DNAH9: variants seen among roughly 807,000 people sequenced by gnomAD.
DNAH9 encodes DNAH9 variant protein.
Under a neutral mutation model 471.6 loss-of-function variants are expected in DNAH9, and 345 were observed. The ratio of observed to expected loss-of-function variants is 0.73; its 90% CI spans 0.67 to 0.80. The LOEUF is 0.80. Among genes scored for constraint, DNAH9 ranks in the 30% least tolerant of loss-of-function variants. The pLI, the probability that DNAH9 is intolerant of heterozygous loss-of-function variation, is 0.00. For missense variants in DNAH9, 5,407 were observed against 5,609.2 expected (o/e 0.96, Z 1.15); for synonymous variants, 2,093 against 2,123.6 (o/e 0.99, Z 0.40).
At chr17:11,728,520 C>G (rs1008820768) in intron 28 of DNAH9, among the ~76,000 whole-genome samples, 2 of 102,822 alleles carry the variant, frequency 1.9e-5, no homozygotes, top group Admixed American at 2.7e-4. Flanking sequence ...AATGTGATCT[C>G]TGACCTAAAA....
intron 17 of DNAH9, among the ~76,000 whole-genome samples, chr17:11,678,843 G>A (rs933179856): frequency 9.9e-5 from 15 of 151,882 alleles, no homozygotes; most frequent in Non-Finnish European, 5.9e-5. Context: ...GTTCTATTTC[G>A]TTCTTCTGGC....
Position 11,871,748 on chromosome 17 carries a change from C to T in DNAH9, c.10204C>T (p.Leu3402=). The change falls in exon 52 of 69, where the codon CTG becomes TTG. Residue 3402 remains leucine, a synonymous_variant. Transcript: ENST00000262442. ...FFTKKYRQSL[L]DRTWRPYLSQ... is the part of the protein sequence containing the mutation. ...CACAAAGAAATACCGGCAGAGCCTC[C>T]TGGACAGAACTTGGAGGCCCTACCT... 1 of 1,614,194 alleles carries T rather than the reference C, an allele frequency of 6.2e-7. No homozygotes were observed. The highest frequency in any genetic ancestry group is 1.3e-5 in the African/African-American group (1 of 75,036).
chr17:11,863,469 G>C (rs1971932332), intron 50 of DNAH9, among the ~76,000 whole-genome samples: 1 of 152,116 alleles, frequency 6.6e-6, no homozygotes, highest in Non-Finnish European at 1.5e-5. Context: ...CAAGGATATT[G>C]GTCTAAAATT....
At chr17:11,605,831 C>A (rs2072493324) in intron 1 of DNAH9, among the ~76,000 whole-genome samples, 1 of 152,090 alleles carries the variant, frequency 6.6e-6, no homozygotes, top group Admixed American at 6.6e-5. Context: ...ATAGAGAGTT[C>A]ACATTCGTTA....
At chr17:11,926,063 G>C (rs975372647) in intron 62 of DNAH9, among the ~76,000 whole-genome samples, 3 of 61,224 alleles carry the variant, frequency 4.9e-5, no homozygotes, top group African/African-American at 6.9e-5. Context: ...AAAAAAAAAA[G>C]CTGGGGGGGG....
chr17:11,867,932 T>G (rs1366230577), intron 50 of DNAH9, among the ~76,000 whole-genome samples: 1 of 152,220 alleles, frequency 6.6e-6, no homozygotes, highest in Non-Finnish European at 1.5e-5. Flanking sequence ...CATCTTCCCC[T>G]TCAATCACAC....
chr17:11,793,546 A>G lies in DNAH9; in HGVS notation c.8105A>G (p.Asp2702Gly), dbSNP rs936071523. 3.7e-6 allele frequency: 6 copies of G among 1,613,970 alleles called. No individual in the cohort carries two copies. The highest frequency in any genetic ancestry group is 5.1e-6 in the Non-Finnish European group (6 of 1,179,966). ...GTGGAATGTGTGAAATCCACATGGG[A>G]TCTTATAAGGCTCTATCTGCATGAA... is the stretch of plus-strand genomic sequence containing the variant. ...SSVECVKSTWDLIRLYLHESN... is the reference protein window; with the variant it reads ...SSVECVKSTWGLIRLYLHESN... Residue 2702 changes from aspartate to glycine, a missense_variant, in exon 42 of 69, where the codon GAT (aspartate) becomes GGT (glycine). Transcript: ENST00000262442.
In DNAH9 at chr17:11,886,864, G is replaced by A. The variant is rs1327543403; in HGVS notation, c.11011G>A (p.Ala3671Thr). The change falls in exon 57 of 69, where the codon GCC becomes ACC. Residue 3671 changes from alanine to threonine, a missense_variant. This residue lies in a region of DNAH9 where 4,636 missense variants were observed against 4,900.3 expected (regional missense o/e 0.95). Transcript: ENST00000262442. ...GGTGACTGAAGTGAAAATCAACGAG[G>A]CCCGAGAGCACTACCGGCCAGCAGC... The part of the protein sequence containing the change: ...AKVTEVKINE[A>T]REHYRPAAAR... The A allele has an allele frequency of 1.2e-6, 2 of 1,612,418 alleles. No individual in the cohort carries two copies. Among genetic ancestry groups the A allele is most frequent in the Non-Finnish European group, 1.7e-6 (2 of 1,179,308 alleles).
At chr17:11,610,368 A>G (rs1450197385) in intron 2 of DNAH9, 28 bp from the exon 3 acceptor site, 1 of 1,597,594 alleles carries the variant, frequency 6.3e-7, no homozygotes, top group African/African-American at 1.3e-5. Context: ...TTTTGTTGTT[A>G]TCATTGTTGT....
intron 1 of DNAH9, among the ~76,000 whole-genome samples, chr17:11,604,354 C>T (rs538826332): frequency 4.6e-5 from 7 of 152,178 alleles, no homozygotes; most frequent in South Asian, 2.1e-4. Context: ...GATGGTCCTA[C>T]GGCTCATTCC....
At chr17:11,839,904 C>T (rs970817439) in intron 49 of DNAH9, among the ~76,000 whole-genome samples, 19 of 152,246 alleles carry the variant, frequency 1.2e-4, no homozygotes, top group African/African-American at 3.6e-4. Flanking sequence ...ATTTCCCATA[C>T]GCAATAATAT....
intron 1 of DNAH9, among the ~76,000 whole-genome samples, chr17:11,607,036 G>C (rs1034653663): frequency 6.6e-6 from 1 of 152,168 alleles, no homozygotes. Context: ...ACTATGTTGG[G>C]TGGCCAGAAT....
chr17:11,878,442 T>A (rs533573327), intron 53 of DNAH9, among the ~76,000 whole-genome samples: 3 of 152,352 alleles, frequency 2.0e-5, no homozygotes, highest in Non-Finnish European at 4.4e-5. Flanking sequence ...AGTTTTTTAT[T>A]TGATCAGATT....
At chr17:11,747,460 G>A (rs1966927422) in intron 31 of DNAH9, 96 bp from the exon 32 acceptor site, 3 of 916,714 alleles carry the variant, frequency 3.3e-6, no homozygotes, top group Non-Finnish European at 3.5e-6. Flanking sequence ...TTGACTTCAG[G>A]TCTCACTTCA....
At position 11,763,563 on chromosome 17, in the gene DNAH9, T is replaced by C; in HGVS notation, c.7119T>C (p.Tyr2373=). ...ADCPKEIYEH[Y]FVFAAIWAFG... ...GCCCTAAGGAAATTTATGAGCATTA[T>C]TTTGTGTTTGCTGCCATCTGGGCTT... Residue 2373 remains tyrosine (Y), a synonymous_variant, in exon 36 of 69, where the codon TAT becomes TAC. Coordinates refer to ENST00000262442, the MANE Select transcript of DNAH9 (RefSeq NM_001372.4). 6.2e-7 allele frequency: 1 copy of C among 1,614,152 alleles called. No homozygotes were observed. Among genetic ancestry groups the C allele is most frequent in the Non-Finnish European group, 8.5e-7 (1 of 1,180,028 alleles).
chr17:11,871,425 T>C (rs549966295), intron 51 of DNAH9, among the ~76,000 whole-genome samples, 173 bp from the exon 52 acceptor site: 6 of 152,218 alleles, frequency 3.9e-5, no homozygotes, highest in Non-Finnish European at 7.3e-5. Flanking sequence ...GCTTGTGTAC[T>C]GAAAGCTTTG....
At chr17:11,722,102 G>A (rs150715009) in intron 27 of DNAH9, among the ~76,000 whole-genome samples, 120 of 152,276 alleles carry the variant, frequency 7.9e-4, no homozygotes, top group African/African-American at 2.6e-3. Context: ...AAAAGGGTGC[G>A]AGGTCAGGAA....
At chr17:11,605,759 C>T (rs1342830444) in intron 1 of DNAH9, among the ~76,000 whole-genome samples, 1 of 151,494 alleles carries the variant, frequency 6.6e-6, no homozygotes, top group Non-Finnish European at 1.5e-5. Flanking sequence ...CCCTCCTCAG[C>T]CTCTCAGTGC....
chr17:11,921,233 A>G (rs1389116990), intron 61 of DNAH9, among the ~76,000 whole-genome samples: 1 of 145,316 alleles, frequency 6.9e-6, no homozygotes, highest in Non-Finnish European at 1.5e-5. Flanking sequence ...AAAAAAAAGA[A>G]AAAAAGGTGA....
Sources: gnomAD v4.1 joint callset for allele counts (sites outside exome capture counted in the v4.1 genomes callset) on GRCh38, gnomAD v4.1.1 for gene constraint, gnomAD v4.1.1 regional missense constraint, MANE v1.5 for transcripts, NCBI Gene and HGNC (gene_info 2026-07-23, HGNC 2026-07-21) for gene names.